The following PPP1R12B variants were observed in gnomAD, a reference collection of about 807,000 sequenced individuals.
The protein encoded by PPP1R12B is protein phosphatase 1 regulatory subunit 12B, also known as myosin phosphatase target subunit 2.
PPP1R12B carries 76 observed loss-of-function variants against 126.1 expected under a neutral mutation model. The observed-to-expected ratio is 0.60, with a 90% CI of 0.50 to 0.73. PPP1R12B has a LOEUF of 0.73. Ranked by LOEUF, PPP1R12B falls within the 30% of genes least tolerant of loss-of-function variation. The pLI, the probability that PPP1R12B is intolerant of heterozygous loss-of-function variation, is 0.00. For synonymous variants in PPP1R12B, 356 were observed against 434.7 expected (o/e 0.82, Z 2.25); for missense variants, 1,052 against 1,205.1 (o/e 0.87, Z 1.88).
chr1:202,418,680 C>T (rs1287691952), intron 2 of PPP1R12B, among the ~76,000 whole-genome samples: 1 of 152,052 alleles, frequency 6.6e-6, no homozygotes, highest in Non-Finnish European at 1.5e-5. Flanking sequence ...GACCAGAATC[C>T]ATTGCAGAGG....
intron 13 of PPP1R12B, among the ~76,000 whole-genome samples, chr1:202,455,606 C>G (rs1272513905): frequency 6.6e-6 from 1 of 152,250 alleles, no homozygotes. Context: ...TTTTGTTTGT[C>G]CATTCATAAG....
chr1:202,349,569 A>G (rs1655563494), intron 1 of PPP1R12B, among the ~76,000 whole-genome samples: 1 of 152,150 alleles, frequency 6.6e-6, no homozygotes, highest in African/African-American at 2.4e-5. Flanking sequence ...ATCTTATATC[A>G]CTTAAAGAGT....
chr1:202,499,823 A>G (rs866650420), intron 18 of PPP1R12B, among the ~76,000 whole-genome samples: 3 of 152,230 alleles, frequency 2.0e-5, no homozygotes, highest in Non-Finnish European at 4.4e-5. Context: ...TGTAACCAAC[A>G]TTTATATACA....
intron 13 of PPP1R12B, among the ~76,000 whole-genome samples, chr1:202,485,853 T>G (rs1347635431): frequency 6.6e-6 from 1 of 152,200 alleles, no homozygotes; most frequent in African/African-American, 2.4e-5. Flanking sequence ...CATCACTCCA[T>G]CTTATCTAGG....
intron 13 of PPP1R12B, among the ~76,000 whole-genome samples, chr1:202,479,734 G>C (rs952285540): frequency 6.6e-6 from 1 of 152,168 alleles, no homozygotes; most frequent in Non-Finnish European, 1.5e-5. Context: ...TTAAAATGTG[G>C]TCCCCAGACC....
chr1:202,514,679 G>A (rs1681909357), intron 18 of PPP1R12B, among the ~76,000 whole-genome samples: 1 of 152,164 alleles, frequency 6.6e-6, no homozygotes, highest in South Asian at 2.1e-4. Context: ...TTACTGAATA[G>A]GAAGTCTTTT....
intron 18 of PPP1R12B, among the ~76,000 whole-genome samples, chr1:202,506,854 C>G (rs372375665): frequency 4.3e-4 from 66 of 152,166 alleles, no homozygotes; most frequent in African/African-American, 1.6e-3. Flanking sequence ...AGGAGAATTG[C>G]TAAAGGAGTT....
rs532749173 is a variant in PPP1R12B at position 202,555,643 on chromosome 1, C to T, written c.2491-3234C>T. On this transcript the variant is annotated intron_variant, in intron 18 of 23. Coordinates refer to ENST00000608999, the MANE Select transcript of PPP1R12B (RefSeq NM_002481.4). ...GGGACCAGTTTGATTGTAAACAGGT[C>T]ATTTTTCCATACCTAAGACGATGTG... is the stretch of plus-strand genomic sequence containing the variant. Among the ~76,000 whole-genome samples, 4 of 152,090 alleles carry T rather than the reference C, an allele frequency of 2.6e-5. No homozygotes were observed. In the South Asian group the frequency reaches 8.3e-4, roughly 32 times the overall value.
intron 1 of PPP1R12B, among the ~76,000 whole-genome samples, chr1:202,383,859 C>T (rs1172447485): frequency 6.6e-6 from 1 of 151,960 alleles, no homozygotes; most frequent in Non-Finnish European, 1.5e-5. Flanking sequence ...GTGTGGTAGC[C>T]CAGTGTATGA....
intron 1 of PPP1R12B, 47 bp downstream of exon 1, chr1:202,349,189 G>A (rs747945269): frequency 1.3e-6 from 2 of 1,598,346 alleles, no homozygotes; most frequent in Middle Eastern, 1.7e-4. Flanking sequence ...CTACAGATGA[G>A]CCTTTGACCC....
intron 18 of PPP1R12B, among the ~76,000 whole-genome samples, chr1:202,532,791 T>C (rs1292778198): frequency 1.3e-5 from 2 of 151,832 alleles, no homozygotes; most frequent in African/African-American, 4.8e-5. Flanking sequence ...TTTTAAACAC[T>C]GTTAAACTTA....
chr1:202,440,155 T>G (rs1160159889), intron 10 of PPP1R12B, among the ~76,000 whole-genome samples: 1 of 152,156 alleles, frequency 6.6e-6, no homozygotes, highest in Non-Finnish European at 1.5e-5. Flanking sequence ...AGTTCCAGAT[T>G]TTATAGGACT....
At chr1:202,408,636 G>A (rs1050163213) in intron 1 of PPP1R12B, among the ~76,000 whole-genome samples, 11 of 152,056 alleles carry the variant, frequency 7.2e-5, no homozygotes, top group African/African-American at 2.7e-4. Context: ...CTGGAGTCCA[G>A]AAGTTTAAAA....
At chr1:202,434,872 A>AT (rs1670602850) in intron 9 of PPP1R12B, 104 bp downstream of exon 9, 1 of 1,508,758 alleles carries the variant, frequency 6.6e-7, no homozygotes, top group Non-Finnish European at 8.8e-7. Flanking sequence ...ATAAAAATAC[A>AT]TTTTTCCTGT....
At chr1:202,568,970 A>T (rs186671209) in intron 22 of PPP1R12B, among the ~76,000 whole-genome samples, 177 bp from the exon 23 acceptor site, 42 of 152,284 alleles carry the variant, frequency 2.8e-4, no homozygotes, top group Admixed American at 9.2e-4. Context: ...TCAGTGAGGT[A>T]GCTCCATCTT....
At chr1:202,491,471 C>A (rs1012775122) in intron 14 of PPP1R12B, among the ~76,000 whole-genome samples, 1 of 151,996 alleles carries the variant, frequency 6.6e-6, no homozygotes, top group Admixed American at 6.6e-5. Context: ...TAATAGCCAC[C>A]CTAATGGGTG....
chr1:202,422,523 C>T (rs1189683080), intron 2 of PPP1R12B, 97 bp from the exon 3 acceptor site: 2 of 1,119,150 alleles, frequency 1.8e-6, no homozygotes, highest in Middle Eastern at 5.7e-4. Context: ...ATTTTAAACT[C>T]AAAATAGAGA....
intron 1 of PPP1R12B, among the ~76,000 whole-genome samples, chr1:202,393,958 A>G (rs574412512): frequency 2.6e-5 from 4 of 152,360 alleles, no homozygotes; most frequent in African/African-American, 9.6e-5. Flanking sequence ...TACTAACACT[A>G]TGCAAGAACA....
At chr1:202,552,794 C>T (rs1409541936) in intron 18 of PPP1R12B, among the ~76,000 whole-genome samples, 1 of 152,208 alleles carries the variant, frequency 6.6e-6, no homozygotes, top group East Asian at 1.9e-4. Context: ...CCAGTTTCAG[C>T]CTTGGCAGCA....
Sources: allele counts gnomAD v4.1 joint callset (sites outside exome capture counted in the v4.1 genomes callset), GRCh38; gene constraint gnomAD v4.1.1; transcripts MANE v1.5; gene names NCBI Gene and HGNC (gene_info 2026-07-23, HGNC 2026-07-21).